CDK19: variants seen among roughly 807,000 people sequenced by gnomAD.
CDK19 encodes the protein cyclin-dependent kinase 19.
CDK19 carries 20 observed loss-of-function variants against 68.3 expected under a neutral mutation model. The observed-to-expected ratio is 0.29, with a 90% CI of 0.21 to 0.43. CDK19 has a LOEUF of 0.43. CDK19 is among the 20% of genes least tolerant of loss of function. The probability of loss-of-function intolerance (pLI) is 1.00; values close to 1 mark genes in which losing one functional copy is unlikely to be tolerated. For missense variants in CDK19, 339 were observed against 623.5 expected (o/e 0.54, Z 4.86); for synonymous variants, 221 against 222.8 (o/e 0.99, Z 0.07).
intron 2 of CDK19, among the ~76,000 whole-genome samples, chr6:110,744,622 C>G (rs1423888050): frequency 1.3e-5 from 2 of 152,112 alleles, no homozygotes; most frequent in Admixed American, 6.6e-5. Flanking sequence ...TTTATTTATT[C>G]AAGAAACATT....
intron 1 of CDK19, among the ~76,000 whole-genome samples, chr6:110,785,829 A>G (rs189802932): frequency 2.6e-5 from 4 of 152,160 alleles, no homozygotes; most frequent in Admixed American, 2.6e-4. Context: ...AAAAATACAA[A>G]ATCAGCCAGG....
At chr6:110,718,057 C>T (rs993602717) in intron 2 of CDK19, among the ~76,000 whole-genome samples, 1 of 152,132 alleles carries the variant, frequency 6.6e-6, no homozygotes. Context: ...AAAAAGGCTC[C>T]ATTTATGATG....
intron 2 of CDK19, among the ~76,000 whole-genome samples, chr6:110,733,525 A>C (rs1474000493): frequency 1.3e-5 from 2 of 152,180 alleles, no homozygotes; most frequent in African/African-American, 4.8e-5. Context: ...CAGAAACTGC[A>C]AACTTTTTGC....
rs1392623912 is a variant in CDK19 at position 110,611,351 on chromosome 6, T to G, written c.*3184A>C. The G allele has an allele frequency of 6.6e-6, 1 of 152,212 alleles. No homozygotes were observed. Among genetic ancestry groups the G allele is most frequent in the Non-Finnish European group, 1.5e-5 (1 of 68,034 alleles). The allele number at this position is 152,212 out of a possible 1,614,324, so 9.4% of individuals were successfully genotyped here. ...GCTGAGGGATGCCCCTCCTGTACCC[T>G]TGGGGGACATAACAGTATCTAATAA... On this transcript the variant is annotated 3_prime_UTR_variant, in exon 13 of 13. Transcript: ENST00000368911.
intron 2 of CDK19, 68 bp from the exon 3 acceptor site, chr6:110,670,609 T>A (rs1007907955): frequency 1.3e-5 from 12 of 939,122 alleles, no homozygotes; most frequent in East Asian, 1.2e-4. Flanking sequence ...GAATGTCTTA[T>A]AACTTCAAAA....
intron 1 of CDK19, among the ~76,000 whole-genome samples, chr6:110,788,613 CCT>C (rs1781396992): frequency 6.6e-6 from 1 of 151,968 alleles, no homozygotes; most frequent in African/African-American, 2.4e-5. Context: ...TATAGGTATG[CCT>C]CTCTTATAGC....
At chr6:110,676,565 G>A (rs930604727) in intron 2 of CDK19, among the ~76,000 whole-genome samples, 3 of 152,096 alleles carry the variant, frequency 2.0e-5, no homozygotes, top group African/African-American at 7.2e-5. Flanking sequence ...TTAAGAAATT[G>A]CCACCCCAGC....
intron 2 of CDK19, among the ~76,000 whole-genome samples, chr6:110,706,018 T>A (rs966834302): frequency 2.6e-5 from 4 of 151,894 alleles, no homozygotes; most frequent in Admixed American, 6.6e-5. Context: ...ATAATAATAA[T>A]AAAAAAAATC....
At chr6:110,670,620 C>T (rs1019581481) in intron 2 of CDK19, 79 bp from the exon 3 acceptor site, 24 of 847,140 alleles carry the variant, frequency 2.8e-5, no homozygotes, top group East Asian at 7.7e-5. Context: ...AACTTCAAAA[C>T]GAAATTTCTG....
chr6:110,707,652 C>T (rs538180830), intron 2 of CDK19, among the ~76,000 whole-genome samples: 3 of 152,296 alleles, frequency 2.0e-5, no homozygotes, highest in African/African-American at 7.2e-5. Flanking sequence ...TAGTACTCCA[C>T]TGCCAGGGTA....
At chr6:110,670,381 C>T (rs1315307318) in intron 3 of CDK19, 50 bp downstream of exon 3, 1 of 955,698 alleles carries the variant, frequency 1.0e-6, no homozygotes, top group African/African-American at 1.6e-5. Flanking sequence ...TATAAATATG[C>T]TCCATACCTA....
At position 110,621,324 on chromosome 6, in the gene CDK19, G is replaced by A; in HGVS notation, c.1157C>T (p.Pro386Leu). Reference protein sequence around the residue: ...QNQHQQPTAPPQQAAAPPQAP... With the variant: ...QNQHQQPTAPLQQAAAPPQAP... ...CTGTGGAGGGGCTGCTGCCTGCTGT[G>A]GAGGGGCTGTGGGCTGCTGATGCTG... Residue 386 changes from proline (P) to leucine (L), a missense_variant, in exon 12 of 13, where the codon CCA becomes CTA. By Grantham distance (98) the Pro-to-Leu change is moderately conservative. Coordinates refer to ENST00000368911, the MANE Select transcript of CDK19 (RefSeq NM_015076.5). The surrounding 1 kb of genome is among the most constrained non-coding windows in gnomAD (Gnocchi z 5.4). 1 of 1,598,432 alleles carries A rather than the reference G, an allele frequency of 6.3e-7. No individual in the cohort carries two copies. Among genetic ancestry groups the A allele is most frequent in the Middle Eastern group, 1.7e-4 (1 of 5,814 alleles).
intron 1 of CDK19, among the ~76,000 whole-genome samples, chr6:110,787,595 G>A (rs373808487): frequency 1.8e-4 from 27 of 152,008 alleles, no homozygotes; most frequent in African/African-American, 4.8e-4. Context: ...TCTAGGTAAC[G>A]TGCCACCATA....
chr6:110,667,624 C>T (rs541247876), intron 3 of CDK19, 50 bp from the exon 4 acceptor site: 3 of 977,070 alleles, frequency 3.1e-6, no homozygotes, highest in Non-Finnish European at 4.4e-6. Context: ...AATATCTATG[C>T]CAATAAAACA....
chr6:110,726,428 T>C (rs1364693169), intron 2 of CDK19, among the ~76,000 whole-genome samples: 2 of 152,118 alleles, frequency 1.3e-5, no homozygotes, highest in Non-Finnish European at 2.9e-5. Flanking sequence ...CAAATATAAG[T>C]GTTCTTTCAA....
Position 110,671,173 on chromosome 6 carries a change from T to C in CDK19, c.205-632A>G, listed in dbSNP as rs140211313. Among the ~76,000 whole-genome samples, 255 of 151,924 alleles carry C rather than the reference T, an allele frequency of 1.7e-3. 1 individual carries two copies. Among genetic ancestry groups the C allele is most frequent in the African/African-American group, 5.8e-3 (240 of 41,396 alleles). ...GGTCCTGTAAACAGAAAAAAAGAAA[T>C]AGGACTTCACAAAGTAAAAGCTTTA... is the stretch of plus-strand genomic sequence containing the variant. On this transcript the variant is annotated intron_variant, in intron 2 of 12. Transcript: ENST00000368911.
intron 4 of CDK19, among the ~76,000 whole-genome samples, chr6:110,647,206 C>G (rs764395672): frequency 1.1e-4 from 16 of 152,132 alleles, no homozygotes; most frequent in Non-Finnish European, 2.1e-4. Flanking sequence ...CCAGTAACCT[C>G]GAAGCATGCG....
chr6:110,668,621 T>A (rs1264821802), intron 3 of CDK19, among the ~76,000 whole-genome samples: 1 of 151,930 alleles, frequency 6.6e-6, no homozygotes, highest in African/African-American at 2.4e-5. Flanking sequence ...TCACCTGAGG[T>A]GAGGAGTTCA....
At chr6:110,709,969 G>A (rs1483746417) in intron 2 of CDK19, among the ~76,000 whole-genome samples, 4 of 152,012 alleles carry the variant, frequency 2.6e-5, no homozygotes, top group Admixed American at 6.6e-5. Context: ...TTTGACTTTA[G>A]AAATTTATCA....
Sources: allele counts gnomAD v4.1 joint callset (sites outside exome capture counted in the v4.1 genomes callset), GRCh38; gene constraint gnomAD v4.1.1; non-coding constraint Gnocchi (gnomAD v3.1); transcripts MANE v1.5; gene names NCBI Gene and HGNC (gene_info 2026-07-23, HGNC 2026-07-21).